PID1: variants seen among roughly 807,000 people sequenced by gnomAD.
The protein encoded by PID1 is PTB-containing, cubilin and LRP1-interacting protein.
In PID1, 10 loss-of-function variants were observed where a neutral mutation model predicts 19.1. That is an observed-to-expected ratio of 0.52 (90% CI 0.32 to 0.89). PID1 has a LOEUF of 0.89. Among genes scored for constraint, PID1 ranks in the 40% least tolerant of loss-of-function variants. The probability of loss-of-function intolerance (pLI) is 0.03; values close to 1 mark genes in which losing one functional copy is unlikely to be tolerated. For missense variants in PID1, 248 were observed against 285.3 expected (o/e 0.87, Z 0.94); for synonymous variants, 130 against 116.0 (o/e 1.12, Z -0.78).
chr2:229,170,134 T>C (rs1415015695), intron 1 of PID1, among the ~76,000 whole-genome samples: 1 of 152,240 alleles, frequency 6.6e-6, no homozygotes, highest in East Asian at 1.9e-4. Flanking sequence ...CCAAGTCGCA[T>C]GTACTTCCTG....
At chr2:229,033,389 T>A (rs998118625) in intron 2 of PID1, among the ~76,000 whole-genome samples, 1 of 152,148 alleles carries the variant, frequency 6.6e-6, no homozygotes, top group Non-Finnish European at 1.5e-5. Context: ...TCTAGAGGTC[T>A]CTCTTGAGAT....
chr2:229,207,478 T>C (rs895867882), intron 1 of PID1, among the ~76,000 whole-genome samples: 3 of 149,536 alleles, frequency 2.0e-5, no homozygotes, highest in Non-Finnish European at 4.4e-5. Flanking sequence ...CTTTCTTTGT[T>C]ATCCAACATT....
In PID1 at chr2:229,155,939, T is replaced by G. The variant is rs745434084; in HGVS notation, c.56A>C (p.Lys19Thr). Residue 19 changes from lysine to threonine, a missense_variant, in exon 2 of 3, where the codon AAA (lysine) becomes ACA (threonine). Lys to Thr is a moderately conservative substitution (Grantham distance 78). Transcript: ENST00000392055. Reference protein sequence around the residue: ...LQHFQTMLKSKLNVLTLKKEP... With the variant: ...LQHFQTMLKSTLNVLTLKKEP... The stretch of plus-strand genomic sequence containing the variant: ...CTTTTTCAGTGTTAAGACATTCAAT[T>G]TAGACTTCAGCATGGTCTGAAAGTG... 3 of 1,613,944 alleles carry G rather than the reference T, an allele frequency of 1.9e-6. No homozygotes were observed. The Admixed American group carries it at 5.0e-5, about 27-fold the overall frequency.
chr2:229,143,171 G>T (rs969419870), intron 2 of PID1, among the ~76,000 whole-genome samples: 1 of 128,808 alleles, frequency 7.8e-6, no homozygotes, highest in Non-Finnish European at 1.6e-5. Flanking sequence ...ACAGGAAGGG[G>T]AACATCACAC....
chr2:229,251,259 A>G (rs1690141830), intron 1 of PID1, among the ~76,000 whole-genome samples: 1 of 130,324 alleles, frequency 7.7e-6, no homozygotes, highest in Admixed American at 8.7e-5. Flanking sequence ...TAATTGAAAT[A>G]TTTGCAAGGT....
At chr2:229,152,037 C>T (rs1690267654) in intron 2 of PID1, among the ~76,000 whole-genome samples, 1 of 152,192 alleles carries the variant, frequency 6.6e-6, no homozygotes, top group African/African-American at 2.4e-5. Flanking sequence ...GAGCCCAGTT[C>T]TTCCTTAGAA....
chr2:229,034,158 C>A (rs1693611910), intron 2 of PID1, among the ~76,000 whole-genome samples: 1 of 152,132 alleles, frequency 6.6e-6, no homozygotes, highest in Non-Finnish European at 1.5e-5. Context: ...ATAGTGAAAT[C>A]TATGAAATTA....
At chr2:229,134,387 C>T (rs1689814681) in intron 2 of PID1, among the ~76,000 whole-genome samples, 1 of 136,498 alleles carries the variant, frequency 7.3e-6, no homozygotes, top group Non-Finnish European at 1.6e-5. Context: ...CTACAGGCGC[C>T]TGTCACCACT....
rs139882204 is a variant in PID1, at chr2:229,096,853, G to T, written c.177+58965C>A. On this transcript the variant is annotated intron_variant, in intron 2 of 2. Transcript: ENST00000392055. ...CCTTGTAATAATAACCCCACAGTTG[G>T]ATCTCAAGACAAGGGCTCTGCTTAC... Among the ~76,000 whole-genome samples the T allele has an allele frequency of 7.9e-5, 12 of 152,216 alleles. No individual in the cohort carries two copies. In the East Asian group the frequency reaches 2.1e-3, roughly 27 times the overall value.
intron 2 of PID1, among the ~76,000 whole-genome samples, chr2:229,142,438 C>T (rs1044330483): frequency 4.6e-5 from 7 of 152,002 alleles, no homozygotes; most frequent in African/African-American, 1.7e-4. Flanking sequence ...AACATTCAGT[C>T]GTAAATGGAA....
chr2:229,210,536 AAAAAAAAAAAAAAAAAAAC>A (rs1482888249), intron 1 of PID1, among the ~76,000 whole-genome samples: 2 of 146,290 alleles, frequency 1.4e-5, no homozygotes, highest in African/African-American at 5.0e-5. Context: ...AAAAAAAAAA[AAAAAAAAAAAAAAAAAAAC>A]AACCTAGAAG....
chr2:229,026,139 G>T (rs1693417781), intron 2 of PID1, 31 bp from the exon 3 acceptor site: 1 of 1,484,644 alleles, frequency 6.7e-7, no homozygotes, highest in Non-Finnish European at 9.4e-7. Context: ...GAAAAGGGAG[G>T]CATCAGCAGA....
intron 1 of PID1, among the ~76,000 whole-genome samples, chr2:229,186,892 C>T (rs965585099): frequency 8.5e-5 from 13 of 152,150 alleles, no homozygotes; most frequent in Non-Finnish European, 1.6e-4. Flanking sequence ...AAGCTGAATG[C>T]CTTTAACAGC....
chr2:229,258,755 G>A (rs865867935), intron 1 of PID1, among the ~76,000 whole-genome samples: 1 of 151,550 alleles, frequency 6.6e-6, no homozygotes, highest in Non-Finnish European at 1.5e-5. Flanking sequence ...CCAGCTACTC[G>A]GGAGGCTGAG....
chr2:229,063,295 T>C (rs560557042), intron 2 of PID1, among the ~76,000 whole-genome samples: 1 of 152,222 alleles, frequency 6.6e-6, no homozygotes, highest in East Asian at 1.9e-4. Flanking sequence ...CTTTTGTTGC[T>C]TCCCACATGT....
At chr2:229,026,419 T>A (rs537867963) in intron 2 of PID1, among the ~76,000 whole-genome samples, 3 of 152,260 alleles carry the variant, frequency 2.0e-5, no homozygotes, top group Non-Finnish European at 4.4e-5. Flanking sequence ...ATCTTTTACA[T>A]AATTTGGCAT....
rs140099852 is a variant in PID1 at position 229,154,131 on chromosome 2, C to G, written c.177+1687G>C. 9.6e-3 allele frequency among the ~76,000 whole-genome samples: 1,457 copies of G among 152,282 alleles called. 25 individuals are homozygous for G. The highest frequency in any genetic ancestry group is 0.01 in the Middle Eastern group (3 of 294). On this transcript the variant is annotated intron_variant, in intron 2 of 2. Coordinates refer to ENST00000392055, the MANE Select transcript of PID1 (RefSeq NM_001100818.2). Reference sequence around the variant, plus strand: ...TAGCTCTTGGGAAGTTGGAAGTTCTCCTTATCAGAATTACCATTTAAAATC... The same window carrying G: ...TAGCTCTTGGGAAGTTGGAAGTTCTGCTTATCAGAATTACCATTTAAAATC...
chr2:229,143,886 T>TCAATTAAAC (rs1281334797), intron 2 of PID1, among the ~76,000 whole-genome samples: 1 of 152,014 alleles, frequency 6.6e-6, no homozygotes, highest in East Asian at 1.9e-4. Flanking sequence ...GAACTGTGAG[T>TCAATTAAAC]CAATTAAACC....
At chr2:229,163,414 T>C (rs1690528091) in intron 1 of PID1, among the ~76,000 whole-genome samples, 1 of 152,214 alleles carries the variant, frequency 6.6e-6, no homozygotes, top group Non-Finnish European at 1.5e-5. Context: ...GCTCTATATC[T>C]ATTAAAGAAA....
Sources: allele counts gnomAD v4.1 joint callset (sites outside exome capture counted in the v4.1 genomes callset), GRCh38; gene constraint gnomAD v4.1.1; transcripts MANE v1.5; gene names NCBI Gene and HGNC (gene_info 2026-07-23, HGNC 2026-07-21).